Variants in FRYL observed in about 807,000 individuals in gnomAD.
FRYL encodes the protein FRY like transcription coactivator.
A neutral mutation model predicts 351.2 loss-of-function variants in FRYL; 150 were observed. The ratio of observed to expected loss-of-function variants is 0.43; its 90% CI spans 0.37 to 0.49. The LOEUF is 0.49. Ranked by LOEUF, FRYL falls within the 20% of genes least tolerant of loss-of-function variation. FRYL has a pLI of 0.00. For missense variants in FRYL, 3,036 were observed against 3,619.3 expected (o/e 0.84, Z 4.13); for synonymous variants, 1,153 against 1,257.1 (o/e 0.92, Z 1.75).
At position 48,589,594 on chromosome 4, in the gene FRYL, G is replaced by A. The variant is rs1177849221; in HGVS notation, c.1640+151C>T. ...ACAGCACTTTAAGGAATAAAACTGA[G>A]TGTGTGGAAGGAATCACTGTATTGA... On this transcript the variant is annotated intron_variant, in intron 18 of 63. Coordinates refer to ENST00000358350, the MANE Select transcript of FRYL (RefSeq NM_015030.2). The A allele has an allele frequency of 1.9e-5, 13 of 680,002 alleles. No homozygotes were observed. The East Asian group carries it at 3.5e-4, about 18-fold the overall frequency. 42.1% of individuals were successfully genotyped at this position (680,002 alleles called of 1,614,324 possible). A position where few individuals can be genotyped will look rare whatever the true frequency, so the allele number is the denominator to read the frequency against.
At chr4:48,692,947 T>C (rs1338494577) in intron 2 of FRYL, among the ~76,000 whole-genome samples, 1 of 152,242 alleles carries the variant, frequency 6.6e-6, no homozygotes, top group African/African-American at 2.4e-5. Flanking sequence ...GCAATCTTTG[T>C]ACACATCTTT....
intron 38 of FRYL, among the ~76,000 whole-genome samples, chr4:48,550,243 C>T (rs1301665302): frequency 6.6e-6 from 1 of 152,124 alleles, no homozygotes; most frequent in Non-Finnish European, 1.5e-5. Flanking sequence ...ATTCACTTTG[C>T]AATTGCCAAG....
At chr4:48,742,405 C>T (rs1307180955) in intron 1 of FRYL, among the ~76,000 whole-genome samples, 3 of 152,116 alleles carry the variant, frequency 2.0e-5, no homozygotes, top group Non-Finnish European at 4.4e-5. Context: ...CTGGCCAGTC[C>T]TTCTCAATCT....
intron 10 of FRYL, 27 bp from the exon 11 acceptor site, chr4:48,605,860 G>T (rs1216815026): frequency 1.6e-6 from 2 of 1,277,276 alleles, no homozygotes; most frequent in Admixed American, 4.3e-5. Flanking sequence ...TATATACTTA[G>T]ATTAACAAAA....
At chr4:48,708,489 C>A (rs921642266) in intron 2 of FRYL, among the ~76,000 whole-genome samples, 1 of 152,024 alleles carries the variant, frequency 6.6e-6, no homozygotes, top group Non-Finnish European at 1.5e-5. Context: ...ACTGCGTACT[C>A]ATTTACCCTT....
At chr4:48,732,958 A>C (rs1031679304) in intron 1 of FRYL, among the ~76,000 whole-genome samples, 2 of 151,824 alleles carry the variant, frequency 1.3e-5, no homozygotes, top group African/African-American at 4.8e-5. Context: ...GTAAGTAAGA[A>C]GAAAGTGGAA....
intron 1 of FRYL, among the ~76,000 whole-genome samples, chr4:48,763,872 TA>T (rs2109382479): frequency 6.6e-6 from 1 of 152,202 alleles, no homozygotes; most frequent in African/African-American, 2.4e-5. Context: ...CCAATTAAAC[TA>T]ACAAATGAAT....
intron 1 of FRYL, among the ~76,000 whole-genome samples, chr4:48,767,306 G>A (rs1268303600): frequency 6.6e-6 from 1 of 152,034 alleles, no homozygotes; most frequent in Non-Finnish European, 1.5e-5. Context: ...CAGATCTTCT[G>A]AGAACTCGCT....
intron 13 of FRYL, among the ~76,000 whole-genome samples, chr4:48,599,337 T>C (rs191028718): frequency 5.9e-5 from 9 of 152,286 alleles, no homozygotes; most frequent in Admixed American, 2.6e-4. Context: ...CAAATTCTGT[T>C]TGGGACAAAA....
At chr4:48,501,889 TTAAAGAC>T (rs1719763708) in intron 61 of FRYL, among the ~76,000 whole-genome samples, 156 bp from the exon 62 acceptor site, 1 of 152,216 alleles carries the variant, frequency 6.6e-6, no homozygotes, top group African/African-American at 2.4e-5. Context: ...GAAATATGCT[TTAAAGAC>T]TAAGATTAAA....
intron 57 of FRYL, 23 bp from the exon 58 acceptor site, chr4:48,511,007 G>A (rs1359229334): frequency 6.3e-7 from 1 of 1,588,514 alleles, no homozygotes; most frequent in East Asian, 2.2e-5. Context: ...GCAGAAGAAA[G>A]AGTTTAGTGT....
chr4:48,582,792 C>T, intron 19 of FRYL, 58 bp from the exon 20 acceptor site: 1 of 1,140,274 alleles, frequency 8.8e-7, no homozygotes, highest in South Asian at 1.3e-5. Context: ...GTTTTATCAT[C>T]TGAAACTTAA....
At position 48,616,970 on chromosome 4, in the gene FRYL, T is replaced by C. The variant is rs548803740; in HGVS notation, c.411+2304A>G. On this transcript the variant is annotated intron_variant, in intron 7 of 63. Coordinates refer to ENST00000358350, the MANE Select transcript of FRYL (RefSeq NM_015030.2). The stretch of plus-strand genomic sequence containing the variant: ...AGTGGTGATATTTCAGCAAGCTCTA[T>C]TGATTTTTACATCGTTTTCTCTAGT... Among the ~76,000 whole-genome samples the C allele has an allele frequency of 6.0e-4, 92 of 152,352 alleles. 1 individual carries two copies. The South Asian group carries it at 0.017, about 28-fold the overall frequency.
At chr4:48,581,296 C>T (rs1740851042) in intron 21 of FRYL, 124 bp downstream of exon 21, 1 of 754,648 alleles carries the variant, frequency 1.3e-6, no homozygotes, top group Middle Eastern at 3.9e-4. Flanking sequence ...CTCGGCCTCC[C>T]AATTGAGAAC....
chr4:48,641,651 C>CATGT (rs1755347391), intron 3 of FRYL, among the ~76,000 whole-genome samples: 1 of 152,110 alleles, frequency 6.6e-6, no homozygotes, highest in Non-Finnish European at 1.5e-5. Flanking sequence ...AAGCTACTGT[C>CATGT]ATGTGGGAGT....
chr4:48,508,368 T>G (rs1721745444), intron 59 of FRYL, among the ~76,000 whole-genome samples: 2 of 152,230 alleles, frequency 1.3e-5, no homozygotes, highest in African/African-American at 4.8e-5. Flanking sequence ...TTTACCATAT[T>G]GAGTCTTCTA....
At chr4:48,534,471 G>T (rs568680109) in intron 49 of FRYL, 74 bp downstream of exon 49, 7 of 1,134,116 alleles carry the variant, frequency 6.2e-6, no homozygotes, top group Non-Finnish European at 7.7e-6. Context: ...GACATTTAAG[G>T]CATTTCCAAT....
intron 1 of FRYL, among the ~76,000 whole-genome samples, chr4:48,735,958 A>C (rs1348089914): frequency 1.5e-5 from 1 of 67,552 alleles, no homozygotes; most frequent in Non-Finnish European, 2.8e-5. Context: ...GTACCCTAAA[A>C]CTTAGAGTAT....
Position 48,499,714 on chromosome 4 carries a change from C to T in FRYL, c.8784-34G>A, listed in dbSNP as rs529657162. Reference sequence around the variant, plus strand: ...ACACAATAGTTTTTCAGTTCTGAGACTTAGGCAATAGTTAAGACTAACTCA... The same window carrying T: ...ACACAATAGTTTTTCAGTTCTGAGATTTAGGCAATAGTTAAGACTAACTCA... On this transcript the variant is annotated intron_variant, in intron 63 of 63. Transcript: ENST00000358350. 43 of 1,602,144 alleles carry T rather than the reference C, an allele frequency of 2.7e-5. No homozygotes were observed. The South Asian group carries it at 4.8e-4, about 18-fold the overall frequency.
Sources: allele counts gnomAD v4.1 joint callset (sites outside exome capture counted in the v4.1 genomes callset), GRCh38; gene constraint gnomAD v4.1.1; transcripts MANE v1.5; gene names NCBI Gene and HGNC (gene_info 2026-07-23, HGNC 2026-07-21).